The following TRMT44 variants were observed in gnomAD, a reference collection of about 807,000 sequenced individuals.
TRMT44 encodes probable tRNA (uracil-O(2)-)-methyltransferase.
In TRMT44, 78 loss-of-function variants were observed where a neutral mutation model predicts 77.3. The observed-to-expected ratio is 1.01, with a 90% CI of 0.84 to 1.22. The LOEUF is 1.22. Ranked by LOEUF, TRMT44 falls within the 50% of genes most tolerant of loss-of-function variation. The pLI is 0.00. For synonymous variants in TRMT44, 391 were observed against 383.3 expected (o/e 1.02, Z -0.23); for missense variants, 1,090 against 964.4 (o/e 1.13, Z -1.73).
At chr4:8,497,646 A>AAAAC (rs968478379), downstream of TRMT44, among the ~76,000 whole-genome samples, 14 of 152,100 alleles carry the variant, frequency 9.2e-5, no homozygotes, top group Admixed American at 3.3e-4. Context: ...CTCCATCTCA[A>AAAAC]AAACAAACAA....
At chr4:8,484,379 G>T (rs191162464) in intron 2 of TRMT44, among the ~76,000 whole-genome samples, 1 of 152,156 alleles carries the variant, frequency 6.6e-6, no homozygotes, top group Non-Finnish European at 1.5e-5. Flanking sequence ...AAGTATATGC[G>T]TCAGGTGTGA....
chr4:8,498,517 T>TCC (rs1395070057), downstream of TRMT44, among the ~76,000 whole-genome samples: 1 of 152,138 alleles, frequency 6.6e-6, no homozygotes, highest in Non-Finnish European at 1.5e-5. This position sits in a 1 kb window ranked among gnomAD's most constrained non-coding sequence, Gnocchi z 4.3. Context: ...CAGGCATGTC[T>TCC]CCATATGGCC....
At chr4:8,501,327 G>A in the TRMT44 span, among the ~76,000 whole-genome samples, 2 of 152,124 alleles carry the variant, frequency 1.3e-5, no homozygotes, top group African/African-American at 2.4e-5. The surrounding 1 kb of genome is among the most constrained non-coding windows in gnomAD (Gnocchi z 4.4). Flanking sequence ...GCAGTTCGAA[G>A]TCTGAGAGAT....
intron 9 of TRMT44, among the ~76,000 whole-genome samples, chr4:8,469,282 C>T (rs559558352): frequency 1.5e-4 from 23 of 152,294 alleles, no homozygotes; most frequent in African/African-American, 5.3e-4. Context: ...GGCTCAGTGG[C>T]TGATGGGGCC....
intron 10 of TRMT44, among the ~76,000 whole-genome samples, chr4:8,475,047 C>T (rs1727285502): frequency 6.6e-6 from 1 of 152,246 alleles, no homozygotes. Context: ...CCTTCGTGTT[C>T]CTGTTCCAGA....
Position 8,449,811 on chromosome 4 carries a change from A to G in TRMT44, c.877A>G (p.Thr293Ala). Residue 293 changes from threonine to alanine, a missense_variant, in exon 3 of 11, where the codon ACC becomes GCC. Thr to Ala is a moderately conservative substitution (Grantham distance 58). Transcript: ENST00000389737. ...VENKKSDFKS[T>A]LSLISIMKYS... The stretch of plus-strand genomic sequence containing the variant: ...GAACAAGAAGAGTGACTTTAAAAGC[A>G]CCCTTTCCCTCATCTCCATTATGAA... 1 of 1,535,918 alleles carries G rather than the reference A, an allele frequency of 6.5e-7. No homozygotes were observed. Among genetic ancestry groups the G allele is most frequent in the Non-Finnish European group, 8.7e-7 (1 of 1,146,852 alleles).
intron 6 of TRMT44, among the ~76,000 whole-genome samples, chr4:8,460,450 A>G (rs1262513334): frequency 6.6e-6 from 1 of 152,238 alleles, no homozygotes; most frequent in Non-Finnish European, 1.5e-5. Flanking sequence ...ACCCTCAAGC[A>G]GCTCCCACTG....
chr4:8,485,588 C>T (rs1017984711), intron 2 of TRMT44, among the ~76,000 whole-genome samples: 7 of 151,886 alleles, frequency 4.6e-5, no homozygotes, highest in Non-Finnish European at 1.0e-4. Flanking sequence ...GATCGGTTGC[C>T]AGGGAAGGAG....
downstream of TRMT44, among the ~76,000 whole-genome samples, chr4:8,493,966 C>T (rs117630138): frequency 1.4e-3 from 207 of 148,704 alleles, 5 homozygotes; most frequent in East Asian, 0.036. Flanking sequence ...CTGTGGATCT[C>T]GTATGCTTAG....
the TRMT44 span, among the ~76,000 whole-genome samples, chr4:8,513,931 AG>A: frequency 6.6e-6 from 1 of 152,208 alleles, no homozygotes; most frequent in Non-Finnish European, 1.5e-5. Flanking sequence ...CTGGTGGGAA[AG>A]GATTGGTTCA....
At chr4:8,514,250 T>G in the TRMT44 span, among the ~76,000 whole-genome samples, 1 of 127,372 alleles carries the variant, frequency 7.9e-6, no homozygotes, top group Non-Finnish European at 1.6e-5. Flanking sequence ...TGGGCTCTGA[T>G]CTTTTTTTTT....
At chr4:8,469,405 G>A (rs886134763) in intron 9 of TRMT44, among the ~76,000 whole-genome samples, 1 of 152,236 alleles carries the variant, frequency 6.6e-6, no homozygotes, top group African/African-American at 2.4e-5. Flanking sequence ...GGCTGGCAGA[G>A]CATGGAGCCC....
At chr4:8,441,960 C>A (rs1363533822) in intron 1 of TRMT44, among the ~76,000 whole-genome samples, 2 of 152,252 alleles carry the variant, frequency 1.3e-5, no homozygotes, top group African/African-American at 4.8e-5. Context: ...GTGCATCATA[C>A]ATGTCATCTA....
chr4:8,461,484 T>A lies in TRMT44; in HGVS notation c.1204-2501T>A, dbSNP rs983838811. ...CAAGCAGCAGTGAGTAGGCCATCTG[T>A]GTAAGCCCAGACCCTAGGGAAGAGC... On this transcript the variant is annotated intron_variant, in intron 6 of 10. Transcript: ENST00000389737. This position sits in a 1 kb window ranked among gnomAD's most constrained non-coding sequence, Gnocchi z 4.6. 6.6e-6 allele frequency among the ~76,000 whole-genome samples: 1 copy of A among 152,154 alleles called. No homozygotes were observed. The highest frequency in any genetic ancestry group is 1.9e-4 in the East Asian group (1 of 5,178).
At chr4:8,489,178 C>T (rs920668521) in intron 2 of TRMT44, among the ~76,000 whole-genome samples, 7 of 152,320 alleles carry the variant, frequency 4.6e-5, no homozygotes, top group African/African-American at 1.4e-4. Context: ...CTCACTGTTT[C>T]GCTTGAAGGC....
At chr4:8,495,420 G>A (rs976728470), downstream of TRMT44, among the ~76,000 whole-genome samples, 1 of 152,180 alleles carries the variant, frequency 6.6e-6, no homozygotes, top group Non-Finnish European at 1.5e-5. Context: ...GGACACTCGG[G>A]TTTTAGTCTG....
At chr4:8,486,811 G>A (rs1165227932) in intron 2 of TRMT44, among the ~76,000 whole-genome samples, 1 of 152,132 alleles carries the variant, frequency 6.6e-6, no homozygotes. Flanking sequence ...AACCGGACGG[G>A]GTGTGAGGAG....
At position 8,465,332 on chromosome 4, in the gene TRMT44, G is replaced by T. The variant is rs779388934; in HGVS notation, c.1311-46G>T. 5 of 1,546,560 alleles carry T rather than the reference G, an allele frequency of 3.2e-6. No individual in the cohort carries two copies. The African/African-American group carries it at 4.1e-5, about 13-fold the overall frequency. On this transcript the variant is annotated intron_variant, in intron 7 of 10. Coordinates refer to ENST00000389737, the MANE Select transcript of TRMT44 (RefSeq NM_152544.3). ...CTTTGTTCCGAATTTCCTTGACTGC[G>T]TCTGCTCAGGATGCTTGACCCTGTG...
At chr4:8,463,573 C>T (rs1311799102) in intron 6 of TRMT44, among the ~76,000 whole-genome samples, 1 of 152,168 alleles carries the variant, frequency 6.6e-6, no homozygotes, top group African/African-American at 2.4e-5. Flanking sequence ...TGTATTACGC[C>T]CTTAAATCAC....
Sources: gnomAD v4.1 joint callset for allele counts (sites outside exome capture counted in the v4.1 genomes callset) on GRCh38, gnomAD v4.1.1 for gene constraint, Gnocchi (gnomAD v3.1) non-coding constraint, MANE v1.5 for transcripts, NCBI Gene and HGNC (gene_info 2026-07-23, HGNC 2026-07-21) for gene names.